HMCN1: variants seen among roughly 807,000 people sequenced by gnomAD.
The protein encoded by HMCN1 is hemicentin 1.
Under a neutral mutation model 625.9 loss-of-function variants are expected in HMCN1, and 321 were observed. The ratio of observed to expected loss-of-function variants is 0.51; its 90% CI spans 0.47 to 0.56. HMCN1 has a LOEUF of 0.56. Ranked by LOEUF, HMCN1 falls within the 20% of genes least tolerant of loss-of-function variation. The pLI is 0.00. For synonymous variants in HMCN1, 2,425 were observed against 2,417.6 expected (o/e 1.00, Z -0.09); for missense variants, 6,588 against 6,887.3 (o/e 0.96, Z 1.54).
chr1:186,109,048 C>T (rs575507892), intron 71 of HMCN1, among the ~76,000 whole-genome samples: 102 of 152,240 alleles, frequency 6.7e-4, no homozygotes, highest in Middle Eastern at 3.4e-3. Context: ...GACTGGAATC[C>T]GTGAAGAACC....
intron 6 of HMCN1, among the ~76,000 whole-genome samples, chr1:185,916,266 G>T (rs1558062724): frequency 6.6e-6 from 1 of 151,980 alleles, no homozygotes; most frequent in Non-Finnish European, 1.5e-5. Context: ...TCTTTAATTT[G>T]TAAAGAATTC....
intron 1 of HMCN1, among the ~76,000 whole-genome samples, chr1:185,810,239 A>G (rs1007012055): frequency 6.6e-6 from 1 of 152,140 alleles, no homozygotes; most frequent in African/African-American, 2.4e-5. Flanking sequence ...GTGAGTTCGT[A>G]GCTTTAATAG....
At chr1:185,761,505 C>G (rs1398677769) in intron 1 of HMCN1, among the ~76,000 whole-genome samples, 2 of 152,176 alleles carry the variant, frequency 1.3e-5, no homozygotes, top group Non-Finnish European at 2.9e-5. Context: ...GGTATCTCAA[C>G]TCATTCACTT....
intron 82 of HMCN1, among the ~76,000 whole-genome samples, 186 bp downstream of exon 82, chr1:186,125,980 T>C (rs756638732): frequency 1.4e-4 from 21 of 152,144 alleles, no homozygotes; most frequent in Non-Finnish European, 2.5e-4. Flanking sequence ...TAACAGACGA[T>C]AGGAACTCAT....
chr1:186,140,667 C>G (rs115111973), intron 89 of HMCN1, among the ~76,000 whole-genome samples: 1,630 of 152,260 alleles, frequency 0.011, 20 homozygotes, highest in African/African-American at 0.034. Flanking sequence ...GTTTTAGCAT[C>G]CATTTCTGAT....
intron 16 of HMCN1, among the ~76,000 whole-genome samples, chr1:185,978,879 C>T (rs564642521): frequency 1.3e-4 from 20 of 152,038 alleles, no homozygotes; most frequent in Admixed American, 3.3e-4. Context: ...TAGGGTTTTA[C>T]CATGTTGGCC....
chr1:186,015,918 C>A, intron 31 of HMCN1, 40 bp from the exon 32 acceptor site: 1 of 1,575,426 alleles, frequency 6.3e-7, no homozygotes, highest in Non-Finnish European at 8.7e-7. Flanking sequence ...TTTGTGACCA[C>A]ACAAATAATT....
chr1:185,928,728 G>A (rs1333515854), intron 10 of HMCN1, 61 bp downstream of exon 10: 5 of 1,540,752 alleles, frequency 3.2e-6, no homozygotes, highest in Non-Finnish European at 4.5e-6. Context: ...GAAATGGGAT[G>A]TTTGTTAACC....
intron 40 of HMCN1, among the ~76,000 whole-genome samples, chr1:186,043,850 G>A (rs967084235): frequency 2.0e-5 from 3 of 151,904 alleles, no homozygotes; most frequent in African/African-American, 7.3e-5. Flanking sequence ...TGGGTGGATC[G>A]CCTGAGGTCA....
At chr1:186,020,024 A>C (rs945700963) in intron 35 of HMCN1, among the ~76,000 whole-genome samples, 12 of 152,004 alleles carry the variant, frequency 7.9e-5, no homozygotes, top group African/African-American at 2.7e-4. Context: ...AAAAATGTTC[A>C]CCATTGAGTA....
Position 186,086,297 on chromosome 1 carries a change from A to G in HMCN1, c.8936A>G (p.Asn2979Ser), listed in dbSNP as rs1659469836. The change falls in exon 58 of 107, where the codon AAC becomes AGC. Residue 2979 changes from asparagine (N) to serine (S), a missense_variant. By Grantham distance (46) the Asn-to-Ser change is conservative. This residue lies in a region of HMCN1 where 4,628 missense variants were observed against 4,853.1 expected (regional missense o/e 0.95). Coordinates refer to ENST00000271588, the MANE Select transcript of HMCN1 (RefSeq NM_031935.3). The stretch of plus-strand genomic sequence containing the variant: ...TCTGAAAATCTTACCGTCGTGGTGA[A>G]CAATTTCATCTCTTTGACCTGTGAG... ...PKSENLTVVV[N>S]NFISLTCEVS... 1.2e-6 allele frequency: 2 copies of G among 1,613,268 alleles called. No homozygotes were observed. The highest frequency in any genetic ancestry group is 1.7e-6 in the Non-Finnish European group (2 of 1,179,446).
intron 4 of HMCN1, among the ~76,000 whole-genome samples, chr1:185,885,626 T>G (rs1664598023): frequency 1.3e-5 from 2 of 152,016 alleles, no homozygotes; most frequent in African/African-American, 4.8e-5. Context: ...TCTTAAGGTA[T>G]AGGCTTACTG....
Position 185,977,920 on chromosome 1 carries a change from C to T in HMCN1, c.2505C>T (p.Phe835=). The T allele has an allele frequency of 6.2e-7, 1 of 1,613,424 alleles. No individual in the cohort carries two copies. The highest frequency in any genetic ancestry group is 8.5e-7 in the Non-Finnish European group (1 of 1,179,600). The change falls in exon 16 of 107, where the codon TTC becomes TTT. Residue 835 remains phenylalanine, a synonymous_variant. Coordinates refer to ENST00000271588, the MANE Select transcript of HMCN1 (RefSeq NM_031935.3). ...GAAGATTAGACAACATGCCAATTTT[C>T]TCAAGACCTTTTTCAGTTAGTTCCA... ...KWRRLDNMPI[F]SRPFSVSSIS... is the part of the protein sequence containing the mutation.
At chr1:186,130,228 T>A (rs1661858224) in intron 84 of HMCN1, 128 bp downstream of exon 84, 1 of 1,286,242 alleles carries the variant, frequency 7.8e-7, no homozygotes, top group South Asian at 1.3e-5. Flanking sequence ...ATTTCACAGA[T>A]GTACAAATTC....
intron 100 of HMCN1, among the ~76,000 whole-genome samples, chr1:186,170,662 A>G (rs1481821386): frequency 6.6e-6 from 1 of 152,148 alleles, no homozygotes; most frequent in African/African-American, 2.4e-5. Flanking sequence ...TGCAGAGCTC[A>G]AAAGCTCAAA....
intron 45 of HMCN1, among the ~76,000 whole-genome samples, chr1:186,056,380 G>T (rs2102290748): frequency 6.6e-6 from 1 of 152,060 alleles, no homozygotes; most frequent in South Asian, 2.1e-4. Flanking sequence ...TTAATTTTTA[G>T]AATTAGATGA....
chr1:185,909,804 T>C (rs1460645070), intron 5 of HMCN1, among the ~76,000 whole-genome samples: 2 of 152,130 alleles, frequency 1.3e-5, no homozygotes, highest in African/African-American at 4.8e-5. Context: ...AAACTTTATA[T>C]GAGGAGATAT....
At chr1:186,027,114 G>T (rs1410950156) in intron 36 of HMCN1, among the ~76,000 whole-genome samples, 2 of 152,096 alleles carry the variant, frequency 1.3e-5, no homozygotes, top group East Asian at 1.9e-4. Flanking sequence ...CATAGCAAAG[G>T]CTGTTTCTCA....
At chr1:186,076,356 TG>T in intron 53 of HMCN1, 71 bp from the exon 54 acceptor site, 1 of 1,377,514 alleles carries the variant, frequency 7.3e-7, no homozygotes, top group Non-Finnish European at 1.0e-6. Flanking sequence ...CAAATCACTC[TG>T]GTGAAAACAC....
Sources: allele counts gnomAD v4.1 joint callset (sites outside exome capture counted in the v4.1 genomes callset), GRCh38; gene constraint gnomAD v4.1.1; regional missense constraint gnomAD v4.1.1; transcripts MANE v1.5; gene names NCBI Gene and HGNC (gene_info 2026-07-23, HGNC 2026-07-21).